The following TRAF3IP2 variants were observed in gnomAD, a reference collection of about 807,000 sequenced individuals.
The protein encoded by TRAF3IP2 is E3 ubiquitin ligase TRAF3IP2.
In TRAF3IP2, 35 loss-of-function variants were observed where a neutral mutation model predicts 57.9. That is an observed-to-expected ratio of 0.60 (90% CI 0.46 to 0.80). The LOEUF is 0.80. Ranked by LOEUF, TRAF3IP2 falls within the 30% of genes least tolerant of loss-of-function variation. The pLI is 0.00. For synonymous variants in TRAF3IP2, 251 were observed against 268.9 expected, an observed-to-expected ratio of 0.93 and a Z score of 0.65; for missense variants, 556 against 706.4, an observed-to-expected ratio of 0.79 and a Z score of 2.41.
intron 1 of TRAF3IP2, chr6:111,601,439 T>C (rs1796860143): frequency 4.5e-6 from 2 of 441,220 alleles, no homozygotes; most frequent in Non-Finnish European, 8.2e-6. Flanking sequence ...TGGTGATGCA[T>C]CTAGAGGGGA....
intron 2 of TRAF3IP2, among the ~76,000 whole-genome samples, chr6:111,582,277 G>A (rs1158116049): frequency 6.6e-6 from 1 of 152,150 alleles, no homozygotes; most frequent in African/African-American, 2.4e-5. Flanking sequence ...TGCTTCTTCT[G>A]GCAAAAGTGA....
intron 2 of TRAF3IP2, among the ~76,000 whole-genome samples, chr6:111,581,587 T>C (rs1328088726): frequency 6.6e-6 from 1 of 152,174 alleles, no homozygotes; most frequent in Admixed American, 6.5e-5. Context: ...GTAGATAGGA[T>C]ACATATATGG....
chr6:111,597,380 C>G (rs1032870734), intron 1 of TRAF3IP2, among the ~76,000 whole-genome samples: 2 of 152,176 alleles, frequency 1.3e-5, no homozygotes, highest in African/African-American at 2.4e-5. Flanking sequence ...AGAGCTCCAC[C>G]TAGAACTGAA....
intron 1 of TRAF3IP2, among the ~76,000 whole-genome samples, chr6:111,593,853 G>A (rs1003566497): frequency 3.3e-5 from 5 of 152,154 alleles, no homozygotes; most frequent in African/African-American, 9.7e-5. Context: ...ATGTTTGGCC[G>A]GGCGCAGTGG....
At chr6:111,566,667 G>A (rs1319615480) in intron 6 of TRAF3IP2, 107 bp from the exon 7 acceptor site, 3 of 969,864 alleles carry the variant, frequency 3.1e-6, no homozygotes, top group African/African-American at 1.6e-5. Flanking sequence ...CATAGAAAGA[G>A]AAGCACTGGC....
At chr6:111,597,990 C>G in intron 1 of TRAF3IP2, 1 of 435,106 alleles carries the variant, frequency 2.3e-6, no homozygotes, top group South Asian at 1.6e-5. Flanking sequence ...GGAGACCTGC[C>G]AACTAGGACC....
chr6:111,594,823 G>T (rs1465511874), intron 1 of TRAF3IP2, among the ~76,000 whole-genome samples: 4 of 152,240 alleles, frequency 2.6e-5, no homozygotes, highest in Admixed American at 2.6e-4. Flanking sequence ...GCTGAGGTGA[G>T]AGGTCACTTG....
intron 1 of TRAF3IP2, among the ~76,000 whole-genome samples, chr6:111,599,265 C>T (rs1357228059): frequency 6.6e-6 from 1 of 152,062 alleles, no homozygotes; most frequent in Non-Finnish European, 1.5e-5. Flanking sequence ...AGCTGTGGTT[C>T]TAGCTCTTGG....
At chr6:111,568,004 G>A (rs1260726585) in intron 5 of TRAF3IP2, among the ~76,000 whole-genome samples, 1 of 152,108 alleles carries the variant, frequency 6.6e-6, no homozygotes, top group Admixed American at 6.5e-5. Context: ...CCACTAAGTT[G>A]GATATAAGCC....
intron 5 of TRAF3IP2, among the ~76,000 whole-genome samples, chr6:111,570,396 C>T (rs970745211): frequency 1.3e-5 from 2 of 152,226 alleles, no homozygotes; most frequent in Non-Finnish European, 2.9e-5. Flanking sequence ...CAGAATACTG[C>T]ACTATCCCCA....
chr6:111,569,856 G>T (rs1795774456), intron 5 of TRAF3IP2, among the ~76,000 whole-genome samples: 1 of 152,196 alleles, frequency 6.6e-6, no homozygotes, highest in South Asian at 2.1e-4. Context: ...GGTGCAATGA[G>T]CTGGATATCT....
rs1796524624 is a variant in TRAF3IP2, at chr6:111,591,707, G to A, written c.380C>T (p.Ala127Val). 6.2e-7 allele frequency: 1 copy of A among 1,614,116 alleles called. No homozygotes were observed. Among genetic ancestry groups the A allele is most frequent in the Non-Finnish European group, 8.5e-7 (1 of 1,180,042 alleles). The change falls in exon 2 of 9, where the codon GCA becomes GTA. Residue 127 changes from alanine to valine, a missense_variant. Ala to Val is a moderately conservative substitution (Grantham distance 64, BLOSUM62 0). Coordinates refer to ENST00000368761, the MANE Select transcript of TRAF3IP2 (RefSeq NM_147686.4). The surrounding 1 kb of genome is among the most constrained non-coding windows in gnomAD (Gnocchi z 4.9). ...ASESVVGALP[A>V]EHQFSFMEKR... ...TTCCATAAATGAAAACTGATGCTCT[G>A]CAGGGAGGGCTCCAACCACAGACTC...
In TRAF3IP2 at chr6:111,591,845, G is replaced by T; in HGVS notation, c.242C>A (p.Thr81Asn). 1 of 1,614,238 alleles carries T rather than the reference G, an allele frequency of 6.2e-7. No individual in the cohort carries two copies. The highest frequency in any genetic ancestry group is 8.5e-7 in the Non-Finnish European group (1 of 1,180,042). ...NHQRPVSRQV[T>N]CLRTQVLEDS... ...CTCCAGAACTTGAGTGCGCAGGCAG[G>T]TGACCTGCCGGGATACAGGCCGCTG... Residue 81 changes from threonine to asparagine, a missense_variant, in exon 2 of 9, where the codon ACC becomes AAC. By Grantham distance (65) the Thr-to-Asn change is moderately conservative. Transcript: ENST00000368761. The surrounding 1 kb of genome is among the most constrained non-coding windows in gnomAD (Gnocchi z 4.9).
chr6:111,568,706 G>A (rs573104891), intron 5 of TRAF3IP2, among the ~76,000 whole-genome samples: 32 of 152,198 alleles, frequency 2.1e-4, no homozygotes, highest in Middle Eastern at 6.8e-3. Context: ...CACTTGAAAA[G>A]CCATCCATGA....
Position 111,575,899 on chromosome 6 carries a change from T to C in TRAF3IP2, c.1023-78A>G. 3 of 1,374,010 alleles carry C rather than the reference T, an allele frequency of 2.2e-6. No homozygotes were observed. In the South Asian group the frequency reaches 3.8e-5, roughly 18 times the overall value. 85.1% of individuals were successfully genotyped at this position (1,374,010 alleles called of 1,614,324 possible). A position where few individuals can be genotyped will look rare whatever the true frequency, so the allele number is the denominator to read the frequency against. On this transcript the variant is annotated intron_variant, in intron 3 of 8. Coordinates refer to ENST00000368761, the MANE Select transcript of TRAF3IP2 (RefSeq NM_147686.4). ...TCAGGGACAGAAAGACTTTTAGAAC[T>C]ATGGGAAGATCCCAGTGGGCTCTCT...
intron 1 of TRAF3IP2, chr6:111,597,999 C>A (rs1349315662): frequency 7.0e-6 from 3 of 425,894 alleles, no homozygotes; most frequent in Non-Finnish European, 1.4e-5. Flanking sequence ...CCAACTAGGA[C>A]CCTGGGAGCC....
intron 2 of TRAF3IP2, among the ~76,000 whole-genome samples, chr6:111,583,077 G>A (rs553217518): frequency 6.6e-6 from 1 of 152,134 alleles, no homozygotes; most frequent in African/African-American, 2.4e-5. Flanking sequence ...GTTTGCATAA[G>A]TAAGCATGAC....
chr6:111,591,788 GGGT>G lies in TRAF3IP2; in HGVS notation c.296_298del (p.His99del). 5.0e-6 allele frequency: 8 copies of G among 1,614,242 alleles called. No individual in the cohort carries two copies. Among genetic ancestry groups the G allele is most frequent in the Non-Finnish European group, 6.8e-6 (8 of 1,180,046 alleles). ...AGAAGGGAAAGCTTTGCCCAGGCCT[GGGT>G]GTCTCCTGCAGAAACTGTCTTCACT... is the stretch of plus-strand genomic sequence containing the variant. On this transcript the variant is annotated inframe_deletion, in exon 2 of 9. Coordinates refer to ENST00000368761, the MANE Select transcript of TRAF3IP2 (RefSeq NM_147686.4). This position sits in a 1 kb window ranked among gnomAD's most constrained non-coding sequence, Gnocchi z 4.9.
At chr6:111,576,739 T>C (rs1185816001) in intron 3 of TRAF3IP2, 2 of 152,210 alleles carry the variant, frequency 1.3e-5, no homozygotes, top group African/African-American at 2.4e-5. Flanking sequence ...ACTGTCTCTA[T>C]AATGTTTTAT....
Sources: gnomAD v4.1 joint callset for allele counts (sites outside exome capture counted in the v4.1 genomes callset) on GRCh38, gnomAD v4.1.1 for gene constraint, Gnocchi (gnomAD v3.1) non-coding constraint, MANE v1.5 for transcripts, NCBI Gene and HGNC (gene_info 2026-07-23, HGNC 2026-07-21) for gene names.